Variants in DIAPH3 observed in about 807,000 individuals in gnomAD.
DIAPH3 encodes the protein diaphanous related formin 3, also known as protein diaphanous homolog 3.
A neutral mutation model predicts 144.3 loss-of-function variants in DIAPH3; 117 were observed. The observed-to-expected ratio is 0.81, with a 90% confidence interval of 0.70 to 0.95. The LOEUF (loss-of-function observed/expected upper bound fraction) is 0.95, where lower values mean the gene tolerates loss of function less well. Ranked by LOEUF, DIAPH3 falls within the 40% of genes least tolerant of loss-of-function variation. The pLI is 0.00. For synonymous variants in DIAPH3, 519 were observed against 488.9 expected (o/e 1.06, Z -0.81); for missense variants, 1,421 against 1,412.7 (o/e 1.01, Z -0.09).
chr13:59,990,825 TAAG>T (rs2051762262), intron 12 of DIAPH3, among the ~76,000 whole-genome samples: 2 of 151,990 alleles, frequency 1.3e-5, no homozygotes, highest in South Asian at 2.1e-4. Context: ...ATGTAACTTA[TAAG>T]AAGAAACTTA....
Position 59,980,876 on chromosome 13 carries a change from A to G in DIAPH3, c.1481-17T>C, listed in dbSNP as rs922850154. 1 of 1,603,748 alleles carries G rather than the reference A, an allele frequency of 6.2e-7. No individual in the cohort carries two copies. Among genetic ancestry groups the G allele is most frequent in the African/African-American group, 1.3e-5 (1 of 74,560 alleles). On this transcript the variant is annotated splice_polypyrimidine_tract_variant and intron_variant, in intron 13 of 27. Transcript: ENST00000400324. ...TGCAAATGTCTAAAATTGCAATGAC[A>G]GGAAATTTTTAATGTGAAACTTCTT...
intron 25 of DIAPH3, among the ~76,000 whole-genome samples, chr13:59,790,907 A>G (rs2039293801): frequency 6.6e-6 from 1 of 152,218 alleles, no homozygotes; most frequent in African/African-American, 2.4e-5. Context: ...CAAAATGAAT[A>G]CACGAGCCCC....
chr13:60,131,611 T>C (rs987202167), intron 2 of DIAPH3, among the ~76,000 whole-genome samples: 9 of 152,064 alleles, frequency 5.9e-5, no homozygotes, highest in South Asian at 2.1e-4. Flanking sequence ...AGAAAGTAGA[T>C]TGGTGGTTGC....
At chr13:59,764,130 G>A (rs980164082) in intron 27 of DIAPH3, among the ~76,000 whole-genome samples, 9 of 151,842 alleles carry the variant, frequency 5.9e-5, no homozygotes, top group East Asian at 1.9e-4. Context: ...GTCATCTTCT[G>A]TGTTTACATA....
At position 59,839,328 on chromosome 13, in the gene DIAPH3, A is replaced by T. The variant is rs1267706706; in HGVS notation, c.2858T>A (p.Met953Lys). The T allele has an allele frequency of 6.2e-7, 1 of 1,613,464 alleles. No homozygotes were observed. The highest frequency in any genetic ancestry group is 1.7e-5 in the Admixed American group (1 of 59,972). ...ATTTAGCTATCAAAAGGATATGGAC[A>T]TCTTTGTCACAAACTTGTCATGCAA... Reference protein sequence around the residue: ...EDLHDKFVTKMSRFVISAKEQ... With the variant: ...EDLHDKFVTKKSRFVISAKEQ... Residue 953 changes from methionine to lysine, a missense_variant, in exon 23 of 28, where the codon ATG becomes AAG. Physicochemically the swap from Met to Lys is moderately conservative, Grantham distance 95. Coordinates refer to ENST00000400324, the MANE Select transcript of DIAPH3 (RefSeq NM_001042517.2).
chr13:60,112,317 TG>T lies in DIAPH3; in HGVS notation c.214-132del, dbSNP rs1232787273. 2.9e-6 allele frequency: 3 copies of T among 1,049,658 alleles called. No individual in the cohort carries two copies. The African/African-American group carries it at 4.8e-5, about 17-fold the overall frequency. 65.0% of individuals were successfully genotyped at this position (1,049,658 alleles called of 1,614,324 possible). ...GATTTCATCAAGAGGCATTCAGCAT[TG>T]GAATATTTAAAATTAATAATAATAA... On this transcript the variant is annotated intron_variant, in intron 2 of 27. Transcript: ENST00000400324.
chr13:59,830,755 G>GA (rs1295162183), intron 24 of DIAPH3, among the ~76,000 whole-genome samples: 1 of 151,064 alleles, frequency 6.6e-6, no homozygotes, highest in Non-Finnish European at 1.5e-5. Context: ...TCTCCCAATA[G>GA]AAAAAAAGAA....
intron 20 of DIAPH3, among the ~76,000 whole-genome samples, chr13:59,895,467 G>A (rs1251562889): frequency 6.7e-6 from 1 of 149,682 alleles, no homozygotes; most frequent in African/African-American, 2.5e-5. Flanking sequence ...CATTTATCTT[G>A]TGAAAAGAGC....
At chr13:59,936,994 T>TGG (rs2048297381) in intron 17 of DIAPH3, among the ~76,000 whole-genome samples, 1 of 152,078 alleles carries the variant, frequency 6.6e-6, no homozygotes, top group Admixed American at 6.5e-5. Context: ...AAACCCCATC[T>TGG]CTACTAAAAA....
chr13:59,774,174 A>C lies in DIAPH3; in HGVS notation c.3319+15T>G, dbSNP rs1423297403. 1.9e-6 allele frequency: 3 copies of C among 1,611,958 alleles called. No homozygotes were observed. The highest frequency in any genetic ancestry group is 2.2e-5 in the East Asian group (1 of 44,826). ...AGATAAGAAGAATGTGCAATTTATA[A>C]ATACGGTTTATTACCATGGTTACAA... On this transcript the variant is annotated intron_variant, in intron 27 of 27. Transcript: ENST00000400324.
intron 18 of DIAPH3, among the ~76,000 whole-genome samples, chr13:59,923,869 AAAAG>A (rs923867693): frequency 1.4e-4 from 21 of 152,322 alleles, no homozygotes; most frequent in Admixed American, 1.2e-3. Context: ...AAATTTTCAT[AAAAG>A]GAATGCCAAC....
At chr13:59,936,206 A>G (rs2048252464) in intron 17 of DIAPH3, among the ~76,000 whole-genome samples, 1 of 152,172 alleles carries the variant, frequency 6.6e-6, no homozygotes, top group Admixed American at 6.5e-5. Context: ...AAAACAATAA[A>G]GATTTTTACA....
chr13:59,910,087 C>T (rs1027754106), intron 20 of DIAPH3, among the ~76,000 whole-genome samples: 9 of 151,826 alleles, frequency 5.9e-5, no homozygotes, highest in East Asian at 1.9e-4. Flanking sequence ...TTTCATATAA[C>T]CTTGCATGGT....
chr13:59,797,059 ACATTT>A (rs1304415159), intron 25 of DIAPH3, among the ~76,000 whole-genome samples: 3 of 152,158 alleles, frequency 2.0e-5, no homozygotes, highest in Non-Finnish European at 4.4e-5. Flanking sequence ...TTAGCACCAA[ACATTT>A]CATGACACCA....
chr13:60,103,068 C>G (rs1199628329), intron 3 of DIAPH3, among the ~76,000 whole-genome samples: 2 of 152,042 alleles, frequency 1.3e-5, no homozygotes, highest in African/African-American at 4.8e-5. Flanking sequence ...CAGTTTGCTA[C>G]TGTTTTTAGG....
chr13:60,156,918 C>CACATATATATATATAT lies in DIAPH3; in HGVS notation c.180+6668_180+6669insATATATATATATATGT, dbSNP rs1324633645. Among the ~76,000 whole-genome samples, 397 of 55,162 alleles carry CACATATATATATATAT rather than the reference C, an allele frequency of 7.2e-3. 48 individuals are homozygous for CACATATATATATATAT. The highest frequency in any genetic ancestry group is 0.011 in the Non-Finnish European group (328 of 28,858). 36.2% of individuals were successfully genotyped at this position (55,162 alleles called of 152,430 possible). On this transcript the variant is annotated intron_variant, in intron 1 of 27. Transcript: ENST00000400324. ...TAGTGGCCCAGAGACCCAGATCCTT[C>CACATATATATATATAT]ATATATATATATATATATATATTTT...
intron 17 of DIAPH3, among the ~76,000 whole-genome samples, chr13:59,937,245 T>C (rs2048312963): frequency 6.6e-6 from 1 of 152,030 alleles, no homozygotes; most frequent in South Asian, 2.1e-4. Flanking sequence ...ATGGTAGAAA[T>C]ATATCTCTGC....
intron 1 of DIAPH3, 69 bp from the exon 2 acceptor site, chr13:60,133,058 C>A: frequency 1.8e-6 from 2 of 1,109,142 alleles, no homozygotes; most frequent in Admixed American, 3.9e-5. Flanking sequence ...TAATAGGGTA[C>A]ATTCAAAATT....
chr13:60,146,670 C>T (rs78129828), intron 1 of DIAPH3, among the ~76,000 whole-genome samples: 285 of 152,326 alleles, frequency 1.9e-3, no homozygotes, highest in African/African-American at 6.3e-3. Flanking sequence ...CAAGCAACTG[C>T]AGCCTAACTG....
Sources: allele counts gnomAD v4.1 joint callset (sites outside exome capture counted in the v4.1 genomes callset), GRCh38; gene constraint gnomAD v4.1.1; transcripts MANE v1.5; gene names NCBI Gene and HGNC (gene_info 2026-07-23, HGNC 2026-07-21).